The following SLF2 variants were observed in gnomAD, a reference collection of about 807,000 sequenced individuals.
The protein encoded by SLF2 is SMC5-SMC6 complex localization factor protein 2.
SLF2 carries 68 observed loss-of-function variants against 124.3 expected under a neutral mutation model. The observed-to-expected ratio is 0.55, with a 90% CI of 0.45 to 0.67. SLF2 has a LOEUF of 0.67. Ranked by LOEUF, SLF2 falls within the 30% of genes least tolerant of loss-of-function variation. The pLI is 0.00. For synonymous variants in SLF2, 480 were observed against 478.8 expected (o/e 1.00, Z -0.03); for missense variants, 1,246 against 1,373.7 (o/e 0.91, Z 1.47).
intron 9 of SLF2, among the ~76,000 whole-genome samples, chr10:100,932,100 T>G (rs1053036782): frequency 2.6e-5 from 4 of 152,098 alleles, no homozygotes; most frequent in African/African-American, 9.7e-5. Context: ...ATTGGAATTA[T>G]GCTTCTTTCA....
At chr10:100,935,664 A>C (rs1849833658) in intron 9 of SLF2, among the ~76,000 whole-genome samples, 1 of 151,750 alleles carries the variant, frequency 6.6e-6, no homozygotes, top group Non-Finnish European at 1.5e-5. Context: ...TGGGCAACAG[A>C]GTGAGACTCT....
At chr10:100,954,835 A>G (rs1589967708) in intron 17 of SLF2, among the ~76,000 whole-genome samples, 3 of 152,268 alleles carry the variant, frequency 2.0e-5, no homozygotes, top group Admixed American at 6.5e-5. Context: ...CCAGCTACCC[A>G]GAAGACTGAC....
At position 100,924,663 on chromosome 10, in the gene SLF2, G is replaced by T. The variant is rs1200017569; in HGVS notation, c.1662G>T (p.Lys554Asn). ...PLRSEYGTPT[K>N]SPPAALEVVP... ...GCTCAGAATATGGCACTCCTACAAA[G>T]TCTCCCCCTGCTGCTTTGGAAGTTG... The change falls in exon 5 of 20, where the codon AAG (lysine) becomes AAT (asparagine). Residue 554 changes from lysine (K) to asparagine (N), a missense_variant. Lys to Asn is a moderately conservative substitution (Grantham distance 94, BLOSUM62 0). Around this residue, in one of 3 missense-constraint regions of SLF2, gnomAD observed 698 missense variants for 708.9 expected, o/e 0.98. Transcript: ENST00000238961. 6.2e-7 allele frequency: 1 copy of T among 1,614,104 alleles called. No individual in the cohort carries two copies. Among genetic ancestry groups the T allele is most frequent in the Non-Finnish European group, 8.5e-7 (1 of 1,180,026 alleles).
At chr10:100,939,158 G>A (rs1053602531) in intron 11 of SLF2, among the ~76,000 whole-genome samples, 2 of 152,178 alleles carry the variant, frequency 1.3e-5, no homozygotes, top group Admixed American at 1.3e-4. Context: ...AATTTGGTGT[G>A]GGTGTCTGGG....
In SLF2 at chr10:100,963,474, A is replaced by G. The variant is rs144187429; in HGVS notation, c.*1562A>G. 6.5e-6 allele frequency: 1 copy of G among 152,672 alleles called. No homozygotes were observed. Among genetic ancestry groups the G allele is most frequent in the East Asian group, 1.9e-4 (1 of 5,184 alleles). 9.5% of individuals were successfully genotyped at this position (152,672 alleles called of 1,614,324 possible). A position where few individuals can be genotyped will look rare whatever the true frequency, so the allele number is the denominator to read the frequency against. On this transcript the variant is annotated 3_prime_UTR_variant, in exon 20 of 20. Coordinates refer to ENST00000238961, the MANE Select transcript of SLF2 (RefSeq NM_018121.4). The stretch of plus-strand genomic sequence containing the variant: ...GTAAGAATATTATTATCTTGATACT[A>G]CCTCTCAAGGGTATTGTTACAAAAT...
chr10:100,938,823 G>T, intron 11 of SLF2, 87 bp downstream of exon 11: 1 of 1,237,822 alleles, frequency 8.1e-7, no homozygotes, highest in Non-Finnish European at 1.1e-6. Flanking sequence ...ATTTATTTCT[G>T]ATTTTTAAAA....
At chr10:100,916,076 A>ATT (rs1564768521) in intron 2 of SLF2, 34 bp downstream of exon 2, 1 of 1,576,186 alleles carries the variant, frequency 6.3e-7, no homozygotes, top group Non-Finnish European at 8.7e-7. Context: ...TTTGTGGGCT[A>ATT]TTTTGGGGGT....
chr10:100,945,426 C>T lies in SLF2; in HGVS notation c.2854C>T (p.Gln952Ter). Residue 952 changes from glutamine (Q) to a stop codon, truncating the protein, a stop_gained, in exon 13 of 20, where the codon CAG becomes TAG. Coordinates refer to ENST00000238961, the MANE Select transcript of SLF2 (RefSeq NM_018121.4). LOFTEE classifies it high-confidence loss of function. ...GTTATTTAAAATGAGTTTGGAAAAA[C>T]AGCTGAAACAGATTCCTTTAGTAGA... ...LMLFKMSLEK[Q>*]LKQIPLVDFQ... is the part of the protein sequence containing the mutation. The T allele has an allele frequency of 6.3e-7, 1 of 1,598,392 alleles. No homozygotes were observed. Among genetic ancestry groups the T allele is most frequent in the Non-Finnish European group, 8.5e-7 (1 of 1,176,630 alleles).
intron 10 of SLF2, among the ~76,000 whole-genome samples, chr10:100,937,943 T>G (rs1352410622): frequency 1.3e-5 from 2 of 152,174 alleles, no homozygotes; most frequent in African/African-American, 4.8e-5. Flanking sequence ...GGAACTTCAG[T>G]TAAACAACGA....
chr10:100,956,767 T>G (rs1382371328), intron 18 of SLF2, among the ~76,000 whole-genome samples: 5 of 151,836 alleles, frequency 3.3e-5, no homozygotes, highest in Non-Finnish European at 7.4e-5. Flanking sequence ...TCTACAAAAA[T>G]TTTTGAAAAA....
chr10:100,937,887 G>A (rs556024661), intron 10 of SLF2, among the ~76,000 whole-genome samples: 1 of 152,296 alleles, frequency 6.6e-6, no homozygotes, highest in East Asian at 1.9e-4. Flanking sequence ...TAGGATTACA[G>A]GCATGAGCCA....
At chr10:100,959,891 C>T (rs1850397694) in intron 19 of SLF2, among the ~76,000 whole-genome samples, 1 of 152,112 alleles carries the variant, frequency 6.6e-6, no homozygotes, top group Admixed American at 6.6e-5. Flanking sequence ...TTCATCACCC[C>T]AAAAAGAAAT....
chr10:100,952,094 G>A (rs1326229677), intron 17 of SLF2, among the ~76,000 whole-genome samples: 1 of 149,470 alleles, frequency 6.7e-6, no homozygotes, highest in Non-Finnish European at 1.5e-5. Context: ...AATACAAAAA[G>A]TTAGCCGGGC....
rs142689141 is a variant in SLF2, at chr10:100,950,078, A to G, written c.3123A>G (p.Val1041=). Residue 1041 remains valine, a splice_region_variant and synonymous_variant, in exon 16 of 20, where the codon GTA becomes GTG. Coordinates refer to ENST00000238961, the MANE Select transcript of SLF2 (RefSeq NM_018121.4). Reference sequence around the variant, plus strand: ...ATGTCTCCTCTTTCTTTTGATAGGTATCAGTCCTACATCGCTATCTTGTGC... The same window carrying G: ...ATGTCTCCTCTTTCTTTTGATAGGTGTCAGTCCTACATCGCTATCTTGTGC... ...EDVPNASNLQ[V]SVLHRYLVQM... 4.2e-5 allele frequency: 66 copies of G among 1,587,240 alleles called. No homozygotes were observed. Among genetic ancestry groups the G allele is most frequent in the Non-Finnish European group, 4.9e-5 (57 of 1,166,862 alleles).
At chr10:100,926,096 T>A in intron 6 of SLF2, 77 bp downstream of exon 6, 1 of 1,611,494 alleles carries the variant, frequency 6.2e-7, no homozygotes, top group South Asian at 1.1e-5. Context: ...TTTACCTTTT[T>A]TAAAAAATCA....
In SLF2 at chr10:100,962,058, T is replaced by C; in HGVS notation, c.*146T>C. ...ACTTGAATATCTAGTATGAAGCTGG[T>C]AATGAAGAAATTGCCATTTCTGAAG... On this transcript the variant is annotated 3_prime_UTR_variant, in exon 20 of 20. Transcript: ENST00000238961. 1.5e-6 allele frequency: 1 copy of C among 684,350 alleles called. No individual in the cohort carries two copies. The highest frequency in any genetic ancestry group is 2.3e-6 in the Non-Finnish European group (1 of 427,704). The allele number at this position is 684,350 out of a possible 1,614,324, so 42.4% of individuals were successfully genotyped here.
chr10:100,947,969 T>G, intron 15 of SLF2, 122 bp downstream of exon 15: 1 of 615,296 alleles, frequency 1.6e-6, no homozygotes, highest in African/African-American at 1.8e-5. Flanking sequence ...CTTGATACTG[T>G]TCATGTAATC....
In SLF2 at chr10:100,916,804, C is replaced by T. The variant is rs887924975; in HGVS notation, c.419C>T (p.Ser140Phe). ...CGTCGGCCTTGTCTGTCACTAGCCT[C>T]CAAATATTTAGCCAAAGGAACAAAT... The part of the protein sequence containing the change: ...ESRRPCLSLA[S>F]KYLAKGTNIY... Residue 140 changes from serine (S) to phenylalanine (F), a missense_variant, in exon 3 of 20, where the codon TCC (serine) becomes TTC (phenylalanine). Ser to Phe is a radical substitution (Grantham distance 155). Around this residue, in one of 3 missense-constraint regions of SLF2, gnomAD observed 698 missense variants for 708.9 expected, o/e 0.98. Coordinates refer to ENST00000238961, the MANE Select transcript of SLF2 (RefSeq NM_018121.4). 6.2e-7 allele frequency: 1 copy of T among 1,613,996 alleles called. No individual in the cohort carries two copies. The highest frequency in any genetic ancestry group is 1.3e-5 in the African/African-American group (1 of 74,980).
intron 9 of SLF2, among the ~76,000 whole-genome samples, chr10:100,936,529 G>T (rs1397225965): frequency 6.6e-6 from 1 of 151,780 alleles, no homozygotes; most frequent in Non-Finnish European, 1.5e-5. Flanking sequence ...TAGAGACAGG[G>T]TTTCACCATG....
Sources: gnomAD v4.1 joint callset for allele counts (sites outside exome capture counted in the v4.1 genomes callset) on GRCh38, gnomAD v4.1.1 for gene constraint, gnomAD v4.1.1 regional missense constraint, MANE v1.5 for transcripts, NCBI Gene and HGNC (gene_info 2026-07-23, HGNC 2026-07-21) for gene names.